ANK2: variants seen among roughly 807,000 people sequenced by gnomAD.
ANK2 encodes the protein ankyrin 2.
A neutral mutation model predicts 360.5 loss-of-function variants in ANK2; 83 were observed. The observed-to-expected ratio is 0.23, with a 90% CI of 0.19 to 0.28. The LOEUF (loss-of-function observed/expected upper bound fraction) is 0.28. ANK2 is among the 10% of genes least tolerant of loss of function. The pLI is 1.00. For missense variants in ANK2, 4,201 were observed against 4,795.7 expected (o/e 0.88, Z 3.66); for synonymous variants, 1,740 against 1,759.5 (o/e 0.99, Z 0.28).
chr4:113,342,115 C>T (rs1333841483), intron 33 of ANK2, among the ~76,000 whole-genome samples, 199 bp downstream of exon 33: 1 of 152,040 alleles, frequency 6.6e-6, no homozygotes, highest in Non-Finnish European at 1.5e-5. Context: ...ATGATCTGTG[C>T]ATGTGAGAAG....
intron 2 of ANK2, among the ~76,000 whole-genome samples, chr4:113,042,768 A>C (rs532664889): frequency 1.3e-5 from 2 of 152,224 alleles, no homozygotes; most frequent in South Asian, 4.1e-4. Context: ...TTTTTGCTCA[A>C]ATTATTCTTT....
the ANK2 span, among the ~76,000 whole-genome samples, chr4:112,743,125 T>C: frequency 5.3e-5 from 8 of 152,194 alleles, no homozygotes; most frequent in Admixed American, 3.9e-4. Context: ...ACAGAGTTAT[T>C]AGTGAAATAG....
intron 45 of ANK2, among the ~76,000 whole-genome samples, chr4:113,377,718 CA>C (rs919953704): frequency 3.9e-5 from 6 of 152,102 alleles, no homozygotes; most frequent in African/African-American, 1.2e-4. Flanking sequence ...CTTGAATGGT[CA>C]AAAATGAATT....
chr4:113,342,033 G>T, intron 33 of ANK2, 117 bp downstream of exon 33: 2 of 1,143,106 alleles, frequency 1.7e-6, no homozygotes, highest in South Asian at 1.5e-5. Context: ...AGACAAGTTC[G>T]CATTTTGGTC....
At chr4:113,234,965 T>A (rs186828086) in intron 5 of ANK2, among the ~76,000 whole-genome samples, 42 of 152,262 alleles carry the variant, frequency 2.8e-4, no homozygotes, top group Middle Eastern at 6.8e-3. Flanking sequence ...ATCTACGTGG[T>A]GAAGATCCGA....
chr4:113,346,601 T>A (rs2094887636), intron 35 of ANK2, among the ~76,000 whole-genome samples: 1 of 152,154 alleles, frequency 6.6e-6, no homozygotes, highest in Non-Finnish European at 1.5e-5. Context: ...TAGTCCCAGC[T>A]ACTCTGGAGG....
chr4:113,286,427 G>A (rs2064629642), intron 18 of ANK2, among the ~76,000 whole-genome samples: 1 of 152,210 alleles, frequency 6.6e-6, no homozygotes, highest in Non-Finnish European at 1.5e-5. Flanking sequence ...CTCTCACGTT[G>A]TAGAATGGTT....
At chr4:112,818,678 GAGAA>G (rs1316787733) in intron 1 of ANK2, among the ~76,000 whole-genome samples, 3 of 152,176 alleles carry the variant, frequency 2.0e-5, no homozygotes, top group African/African-American at 7.2e-5. Flanking sequence ...GTCTGTGCCG[GAGAA>G]AGTGGTTGCC....
At chr4:113,039,454 C>T (rs935585675) in intron 2 of ANK2, among the ~76,000 whole-genome samples, 2 of 151,950 alleles carry the variant, frequency 1.3e-5, no homozygotes, top group Non-Finnish European at 2.9e-5. Context: ...AACAAAAAAT[C>T]GTTTTCTCTT....
chr4:113,249,833 C>T lies in ANK2; in HGVS notation c.961C>T (p.Arg321Trp), dbSNP rs753032598. ...CCAAGTGGTGGAACTTCTGTTGGAA[C>T]GGGGTGCCCCCTTGCTGGCAAGGAC... Reference protein sequence around the residue: ...HDQVVELLLERGAPLLARTKN... With the variant: ...HDQVVELLLEWGAPLLARTKN... The change falls in exon 10 of 46, where the codon CGG (arginine) becomes TGG (tryptophan). Residue 321 changes from arginine (R) to tryptophan (W), a missense_variant. Transcript: ENST00000357077. The T allele has an allele frequency of 6.3e-5, 102 of 1,614,016 alleles. 1 individual carries two copies. Among genetic ancestry groups the T allele is most frequent in the African/African-American group, 1.9e-4 (14 of 74,944 alleles).
At chr4:112,983,295 C>T (rs1179743519) in intron 2 of ANK2, among the ~76,000 whole-genome samples, 1 of 149,918 alleles carries the variant, frequency 6.7e-6, no homozygotes, top group Non-Finnish European at 1.5e-5. Flanking sequence ...TAGGTAGTGA[C>T]AAAAATAACT....
chr4:113,082,877 A>G (rs878895841), intron 1 of ANK2, among the ~76,000 whole-genome samples: 1 of 152,146 alleles, frequency 6.6e-6, no homozygotes, highest in Non-Finnish European at 1.5e-5. Context: ...AAATTTTGCT[A>G]TAAAATCGAG....
intron 10 of ANK2, 95 bp from the exon 11 acceptor site, chr4:113,255,640 T>A (rs950738968): frequency 7.8e-7 from 1 of 1,288,934 alleles, no homozygotes; most frequent in East Asian, 2.3e-5. Context: ...TGCCACTAAC[T>A]GTGTTAGAGA....
At chr4:113,049,587 A>G (rs1360983362), upstream of ANK2, 6 of 1,488,216 alleles carry the variant, frequency 4.0e-6, no homozygotes, top group African/African-American at 7.0e-5. Flanking sequence ...TGGCAACGTC[A>G]CCGTCCTTAC....
chr4:113,220,160 T>C lies in ANK2; in HGVS notation c.385-12001T>C, dbSNP rs562668759. On this transcript the variant is annotated intron_variant, in intron 4 of 45. Transcript: ENST00000357077. Reference sequence around the variant, plus strand: ...TTCAGACTCAAAAGAAGGGAACATGTCTGTCCTAGCTTTCCAAAAGAGAAT... The same window carrying C: ...TTCAGACTCAAAAGAAGGGAACATGCCTGTCCTAGCTTTCCAAAAGAGAAT... 7.2e-5 allele frequency among the ~76,000 whole-genome samples: 11 copies of C among 152,330 alleles called. No homozygotes were observed. In the South Asian group the frequency reaches 1.2e-3, roughly 17 times the overall value.
At chr4:113,129,796 T>C (rs114781117) in intron 1 of ANK2, among the ~76,000 whole-genome samples, 1,653 of 152,320 alleles carry the variant, frequency 0.011, 16 homozygotes, top group Middle Eastern at 0.061. Context: ...TATTTTATTC[T>C]TGATTCCTCT....
At chr4:112,720,314 G>A in the ANK2 span, among the ~76,000 whole-genome samples, 1 of 152,064 alleles carries the variant, frequency 6.6e-6, no homozygotes, top group African/African-American at 2.4e-5. Flanking sequence ...TTTATGTCTT[G>A]TGGGTCCTTC....
intron 1 of ANK2, chr4:113,160,329 G>A (rs1314347139): frequency 9.5e-6 from 4 of 420,708 alleles, no homozygotes; most frequent in South Asian, 5.2e-5. Flanking sequence ...GCCTCTCAAA[G>A]TGCTAGGATT....
intron 1 of ANK2, chr4:112,882,129 A>G (rs761481239): frequency 4.7e-5 from 13 of 279,330 alleles, no homozygotes; most frequent in Non-Finnish European, 8.9e-5. Flanking sequence ...CCGGCTCTTT[A>G]GGACAGGACG....
Sources: gnomAD v4.1 joint callset for allele counts (sites outside exome capture counted in the v4.1 genomes callset) on GRCh38, gnomAD v4.1.1 for gene constraint, MANE v1.5 for transcripts, NCBI Gene and HGNC (gene_info 2026-07-23, HGNC 2026-07-21) for gene names.